Variants in STARD13 observed in about 807,000 individuals in gnomAD.
STARD13 encodes the protein stAR-related lipid transfer protein 13.
In STARD13, 62 loss-of-function variants were observed where a neutral mutation model predicts 106.4. That is an observed-to-expected ratio of 0.58 (90% confidence interval 0.48 to 0.72). STARD13 has a LOEUF of 0.72. Ranked by LOEUF, STARD13 falls within the 30% of genes least tolerant of loss-of-function variation. STARD13 has a pLI of 0.00. For synonymous variants in STARD13, 565 were observed against 553.0 expected (o/e 1.02, Z -0.31); for missense variants, 1,387 against 1,424.0 (o/e 0.97, Z 0.42).
chr13:33,277,332 A>G (rs1160727515), intron 1 of STARD13: 2 of 152,194 alleles, frequency 1.3e-5, no homozygotes, highest in African/African-American at 4.8e-5. Flanking sequence ...ATATATTTGT[A>G]GACTTCCTGG....
intron 1 of STARD13, among the ~76,000 whole-genome samples, chr13:33,232,470 G>A (rs543393707): frequency 1.3e-3 from 203 of 152,076 alleles, no homozygotes; most frequent in Non-Finnish European, 2.2e-3. Flanking sequence ...CTCAGATACA[G>A]AGGGATACTG....
rs192421487 is a variant in STARD13 at position 33,166,732 on chromosome 13, C to T, written c.241+819G>A. On this transcript the variant is annotated intron_variant, in intron 2 of 13. Transcript: ENST00000336934. ...AATGAAAAGGCTGGGTGGTGGCTCA[C>T]GCCTGTAATCTCAGCACTTAGGGAG... 7.4e-4 allele frequency among the ~76,000 whole-genome samples: 113 copies of T among 152,220 alleles called. No homozygotes were observed. The Middle Eastern group carries it at 0.01, about 14-fold the overall frequency.
the STARD13 span, among the ~76,000 whole-genome samples, chr13:33,553,188 A>G: frequency 6.6e-6 from 1 of 152,126 alleles, no homozygotes; most frequent in Non-Finnish European, 1.5e-5. Context: ...AATGGAAATA[A>G]TCCTGAAACT....
chr13:33,594,363 A>G, the STARD13 span, among the ~76,000 whole-genome samples: 1 of 152,228 alleles, frequency 6.6e-6, no homozygotes, highest in Non-Finnish European at 1.5e-5. Flanking sequence ...TTTTTCTGCC[A>G]TAATGAATCA....
At chr13:33,508,244 TA>T in the STARD13 span, among the ~76,000 whole-genome samples, 10 of 152,300 alleles carry the variant, frequency 6.6e-5, no homozygotes, top group South Asian at 4.1e-4. Flanking sequence ...ACTACATTCC[TA>T]AAAAACTGGT....
the STARD13 span, chr13:33,439,708 C>T: frequency 7.9e-7 from 1 of 1,267,762 alleles, no homozygotes; most frequent in Non-Finnish European, 1.0e-6. Context: ...TTCTTTGGGT[C>T]TGTTATCAGA....
At chr13:33,508,323 C>A in the STARD13 span, among the ~76,000 whole-genome samples, 5 of 152,132 alleles carry the variant, frequency 3.3e-5, no homozygotes, top group East Asian at 1.9e-4. Context: ...GCTAACCCTG[C>A]GGATGCAGCC....
chr13:33,225,868 C>G (rs527740824), intron 1 of STARD13, among the ~76,000 whole-genome samples: 23 of 152,250 alleles, frequency 1.5e-4, no homozygotes, highest in African/African-American at 5.1e-4. Flanking sequence ...GGATTAAGCT[C>G]TGATATGGAC....
chr13:33,628,395 A>G, the STARD13 span, among the ~76,000 whole-genome samples: 2 of 152,182 alleles, frequency 1.3e-5, no homozygotes, highest in Non-Finnish European at 2.9e-5. Flanking sequence ...TGTGACCAAC[A>G]TCAAAATTCA....
chr13:33,622,688 G>A, the STARD13 span, among the ~76,000 whole-genome samples: 17 of 149,868 alleles, frequency 1.1e-4, no homozygotes, highest in East Asian at 3.1e-3. Context: ...TTGGGAGGCT[G>A]AGGCGGGCGG....
chr13:33,669,014 G>A, the STARD13 span, among the ~76,000 whole-genome samples: 2 of 152,202 alleles, frequency 1.3e-5, no homozygotes, highest in African/African-American at 4.8e-5. Context: ...AATGGACAGA[G>A]AAAAGTTAAA....
At chr13:33,181,461 T>C (rs2138452170) in intron 1 of STARD13, among the ~76,000 whole-genome samples, 1 of 152,326 alleles carries the variant, frequency 6.6e-6, no homozygotes, top group Non-Finnish European at 1.5e-5. Context: ...GCCTAGAGTC[T>C]TGTAAATGGC....
At chr13:33,191,663 T>A (rs2138505825) in intron 1 of STARD13, among the ~76,000 whole-genome samples, 1 of 152,346 alleles carries the variant, frequency 6.6e-6, no homozygotes, top group South Asian at 2.1e-4. Context: ...TGATGAGCTC[T>A]AATCCAAATG....
At chr13:33,232,845 T>C (rs1298421653) in intron 1 of STARD13, among the ~76,000 whole-genome samples, 1 of 152,210 alleles carries the variant, frequency 6.6e-6, no homozygotes, top group Non-Finnish European at 1.5e-5. Flanking sequence ...TCATGATTGC[T>C]TCCTTGTTCC....
At chr13:33,465,074 C>T in the STARD13 span, among the ~76,000 whole-genome samples, 1 of 152,134 alleles carries the variant, frequency 6.6e-6, no homozygotes, top group African/African-American at 2.4e-5. Context: ...ACTGCTTCCC[C>T]TAAAATCTCC....
At chr13:33,495,023 G>A in the STARD13 span, among the ~76,000 whole-genome samples, 2 of 147,808 alleles carry the variant, frequency 1.4e-5, no homozygotes, top group Non-Finnish European at 3.0e-5. Context: ...CCCATGACAT[G>A]ACTCAGTGAC....
chr13:33,520,312 G>A, the STARD13 span, among the ~76,000 whole-genome samples: 169 of 152,156 alleles, frequency 1.1e-3, no homozygotes, highest in Admixed American at 5.1e-3. Flanking sequence ...GGCCACATGC[G>A]GTTGTGACTG....
intron 1 of STARD13, among the ~76,000 whole-genome samples, chr13:33,262,532 C>G (rs1423735469): frequency 6.6e-6 from 1 of 152,030 alleles, no homozygotes; most frequent in Non-Finnish European, 1.5e-5. Context: ...TCCTGTTTGG[C>G]ATGTTTGCAG....
intron 8 of STARD13, among the ~76,000 whole-genome samples, chr13:33,113,354 A>G (rs1874895576): frequency 1.3e-5 from 2 of 152,136 alleles, no homozygotes; most frequent in East Asian, 1.9e-4. Flanking sequence ...AGGATGCCCA[A>G]GGCTCCGTGG....
Sources: gnomAD v4.1 joint callset for allele counts (sites outside exome capture counted in the v4.1 genomes callset) on GRCh38, gnomAD v4.1.1 for gene constraint, MANE v1.5 for transcripts, NCBI Gene and HGNC (gene_info 2026-07-23, HGNC 2026-07-21) for gene names.